MIB1: variants seen among roughly 807,000 people sequenced by gnomAD.
MIB1 encodes E3 ubiquitin-protein ligase MIB1.
MIB1 carries 278 observed loss-of-function variants against 124.5 expected under a neutral mutation model. The observed-to-expected ratio is 2.23, with a 90% CI of 2.02 to 2.47. MIB1 has a LOEUF of 2.47. Ranked by LOEUF, MIB1 falls within the 30% of genes most tolerant of loss-of-function variation. The pLI is 0.00. For synonymous variants in MIB1, 446 were observed against 429.4 expected, an observed-to-expected ratio of 1.04 and a Z score of -0.48; for missense variants, 957 against 1,254.4, an observed-to-expected ratio of 0.76 and a Z score of 3.58.
At chr18:21,811,213 A>G (rs979423077) in intron 10 of MIB1, among the ~76,000 whole-genome samples, 24 of 152,174 alleles carry the variant, frequency 1.6e-4, no homozygotes, top group Non-Finnish European at 5.9e-5. Context: ...CAAAACAACC[A>G]GAAAAAACCT....
Position 21,741,517 on chromosome 18 carries a change from C to G in MIB1, c.-67C>G, listed in dbSNP as rs2040850440. The G allele has an allele frequency of 8.2e-7, 1 of 1,222,922 alleles. No homozygotes were observed. Among genetic ancestry groups the G allele is most frequent in the Non-Finnish European group, 1.0e-6 (1 of 959,798 alleles). 75.8% of individuals were successfully genotyped at this position (1,222,922 alleles called of 1,614,324 possible). On this transcript the variant is annotated 5_prime_UTR_variant, in exon 1 of 21. Transcript: ENST00000261537. The surrounding 1 kb of genome is among the most constrained non-coding windows in gnomAD (Gnocchi z 5.4). ...GAGTCCGGCCCGGGCCCAACTCCCT[C>G]ACGGGCCCCCCGGCGGCAGCGGCGG... is the stretch of plus-strand genomic sequence containing the variant.
At chr18:21,712,691 ACAG>A (rs747497317) in intron 1 of MIB1, among the ~76,000 whole-genome samples, 21 of 152,214 alleles carry the variant, frequency 1.4e-4, no homozygotes, top group Non-Finnish European at 1.5e-4. Flanking sequence ...AGATGAAAAT[ACAG>A]CATGGTCAAC....
rs1555695330 is a variant in MIB1 at position 21,835,840 on chromosome 18, A to ACAC, written c.1830-2525_1830-2524insCAC. Among the ~76,000 whole-genome samples the ACAC allele has an allele frequency of 1.9e-4, 20 of 108,056 alleles. 1 individual carries two copies. The highest frequency in any genetic ancestry group is 1.7e-3 in the South Asian group (5 of 2,912). The allele number at this position is 108,056 out of a possible 152,430, so 70.9% of individuals were successfully genotyped here. On this transcript the variant is annotated intron_variant, in intron 12 of 20. Transcript: ENST00000261537. ...ACACACACACACACACACACACACA[A>ACAC]ACACACACGAGGAGTATTGGGAAAG...
At chr18:21,775,059 C>T (rs2041267553) in intron 4 of MIB1, among the ~76,000 whole-genome samples, 1 of 152,104 alleles carries the variant, frequency 6.6e-6, no homozygotes, top group African/African-American at 2.4e-5. Context: ...CATTCTCCTG[C>T]CTCAGCCTTC....
At chr18:21,830,641 G>A (rs1484601753) in intron 12 of MIB1, 2 of 152,102 alleles carry the variant, frequency 1.3e-5, no homozygotes, top group African/African-American at 4.8e-5. Context: ...GTGTCATGCA[G>A]CATTTGCAGC....
intron 10 of MIB1, among the ~76,000 whole-genome samples, chr18:21,808,572 G>A (rs944013847): frequency 7.9e-5 from 12 of 152,178 alleles, no homozygotes; most frequent in African/African-American, 2.9e-4. Context: ...TTTGGAACAT[G>A]TGATAAGATT....
At chr18:21,856,386 T>C (rs1385112651) in intron 18 of MIB1, among the ~76,000 whole-genome samples, 1 of 152,206 alleles carries the variant, frequency 6.6e-6, no homozygotes, top group Non-Finnish European at 1.5e-5. Context: ...ATTAGAAAGA[T>C]AGTCTTTTAT....
intron 4 of MIB1, 114 bp from the exon 5 acceptor site, chr18:21,777,989 A>T: frequency 1.4e-6 from 1 of 714,696 alleles, no homozygotes; most frequent in South Asian, 1.7e-5. Context: ...GTTGACCTAG[A>T]CTGTTCTTGA....
intron 11 of MIB1, among the ~76,000 whole-genome samples, chr18:21,816,765 A>G (rs2041833363): frequency 6.6e-6 from 1 of 152,214 alleles, no homozygotes; most frequent in Non-Finnish European, 1.5e-5. Context: ...AACTGAAAGA[A>G]TAGATTTTGT....
intron 12 of MIB1, among the ~76,000 whole-genome samples, chr18:21,824,657 T>A (rs1461215364): frequency 6.6e-6 from 1 of 152,134 alleles, no homozygotes; most frequent in African/African-American, 2.4e-5. Flanking sequence ...AGATATATAT[T>A]TATATATGTC....
chr18:21,861,069 G>A (rs929227892), intron 20 of MIB1, among the ~76,000 whole-genome samples: 9 of 151,948 alleles, frequency 5.9e-5, no homozygotes, highest in African/African-American at 1.7e-4. Context: ...AGAATTGAAT[G>A]TATGAATTTA....
At chr18:21,845,958 A>G (rs750774466) in intron 15 of MIB1, among the ~76,000 whole-genome samples, 3 of 152,124 alleles carry the variant, frequency 2.0e-5, no homozygotes, top group Non-Finnish European at 4.4e-5. Context: ...TTGCCAGTAT[A>G]CTTTTATCCA....
intron 9 of MIB1, among the ~76,000 whole-genome samples, chr18:21,800,541 G>GT (rs1468351099): frequency 1.3e-5 from 2 of 152,082 alleles, no homozygotes; most frequent in Non-Finnish European, 2.9e-5. Flanking sequence ...TAAGTGGGCA[G>GT]TTTTGATTCT....
chr18:21,722,610 C>T (rs1040207931), intron 1 of MIB1, among the ~76,000 whole-genome samples: 2 of 151,906 alleles, frequency 1.3e-5, no homozygotes, highest in Admixed American at 1.3e-4. Context: ...ACCTCGTGAT[C>T]TGCTTGCCTC....
chr18:21,751,527 G>A (rs936004550), intron 1 of MIB1, among the ~76,000 whole-genome samples: 33 of 152,034 alleles, frequency 2.2e-4, no homozygotes, highest in African/African-American at 7.5e-4. Context: ...CTCCCAAAGT[G>A]CTGGGATTAC....
chr18:21,766,277 TC>T (rs1439758104), intron 2 of MIB1, among the ~76,000 whole-genome samples: 2 of 152,230 alleles, frequency 1.3e-5, no homozygotes, highest in East Asian at 3.8e-4. Flanking sequence ...TTAATTGATA[TC>T]AGATGAATGG....
chr18:21,833,358 C>G (rs967901804), intron 12 of MIB1, among the ~76,000 whole-genome samples: 7 of 152,056 alleles, frequency 4.6e-5, no homozygotes, highest in Non-Finnish European at 1.0e-4. Context: ...CAAAGTATAC[C>G]TTTTTGATCA....
chr18:21,719,052 G>A (rs1319988805), intron 1 of MIB1, among the ~76,000 whole-genome samples: 1 of 152,112 alleles, frequency 6.6e-6, no homozygotes, highest in African/African-American at 2.4e-5. Flanking sequence ...GCCGGGAGTG[G>A]TGGCGCATGC....
chr18:21,713,784 G>T (rs1225555101), intron 1 of MIB1, among the ~76,000 whole-genome samples: 2 of 146,704 alleles, frequency 1.4e-5, no homozygotes, highest in Non-Finnish European at 3.0e-5. Context: ...TTTTAGTAGA[G>T]GTGGGGGTTT....
Sources: allele counts gnomAD v4.1 joint callset (sites outside exome capture counted in the v4.1 genomes callset), GRCh38; gene constraint gnomAD v4.1.1; non-coding constraint Gnocchi (gnomAD v3.1); transcripts MANE v1.5; gene names NCBI Gene and HGNC (gene_info 2026-07-23, HGNC 2026-07-21).